OPRM1: variants seen among roughly 807,000 people sequenced by gnomAD.
OPRM1 encodes mu-type opioid receptor.
Under a neutral mutation model 31.8 loss-of-function variants are expected in OPRM1, and 27 were observed. The observed-to-expected ratio is 0.85, with a 90% CI of 0.63 to 1.17. OPRM1 has a LOEUF of 1.17. OPRM1 is among the 50% of genes most tolerant of loss of function. The pLI, the probability that OPRM1 is intolerant of heterozygous loss-of-function variation, is 0.00. For missense variants in OPRM1, 536 were observed against 511.1 expected (o/e 1.05, Z -0.47); for synonymous variants, 196 against 189.9 (o/e 1.03, Z -0.26).
chr6:154,090,858 A>C, intron 2 of OPRM1, 94 bp from the exon 3 acceptor site: 1 of 1,125,930 alleles, frequency 8.9e-7, no homozygotes, highest in Non-Finnish European at 1.3e-6. Context: ...GCTCTGGTCA[A>C]GGCTAAAAAT....
rs148302269 is a variant in OPRM1 at position 154,139,905 on chromosome 6, G to A, written c.1164+48433G>A. Among the ~76,000 whole-genome samples the A allele has an allele frequency of 1.3e-3, 204 of 152,180 alleles. 1 individual carries two copies. The highest frequency in any genetic ancestry group is 2.2e-3 in the Non-Finnish European group (150 of 68,002). On this transcript the variant is annotated intron_variant, in intron 3 of 3. Coordinates refer to the OPRM1 transcript ENST00000337049. ...AAAGAAGCGTTCATTCCCCTGGCCC[G>A]CAGTTTAAATTCCCCGGTGACGTTA...
intron 3 of OPRM1, among the ~76,000 whole-genome samples, chr6:154,106,000 T>G (rs1268578890): frequency 6.6e-6 from 1 of 152,224 alleles, no homozygotes; most frequent in Non-Finnish European, 1.5e-5. Flanking sequence ...AAAGCTATTG[T>G]GATTTATTCC....
intron 3 of OPRM1, among the ~76,000 whole-genome samples, chr6:154,096,072 T>G (rs1793325811): frequency 6.6e-6 from 1 of 152,202 alleles, no homozygotes; most frequent in African/African-American, 2.4e-5. Context: ...TTTTGATTTT[T>G]AGTTTGAAAT....
intron 3 of OPRM1, among the ~76,000 whole-genome samples, chr6:154,205,250 C>T (rs1446773103): frequency 6.6e-6 from 1 of 152,148 alleles, no homozygotes; most frequent in Non-Finnish European, 1.5e-5. Flanking sequence ...GGAGAAGACA[C>T]CATCTAGTTC....
At chr6:154,068,074 T>A (rs149973870) in intron 1 of OPRM1, among the ~76,000 whole-genome samples, 254 of 152,246 alleles carry the variant, frequency 1.7e-3, no homozygotes, top group African/African-American at 5.9e-3. Context: ...TTCTTAAATT[T>A]TAATAGTATA....
rs573239327 is a variant in OPRM1, at chr6:154,236,324, T to C, written c.1165-10369T>C. 2.6e-5 allele frequency among the ~76,000 whole-genome samples: 4 copies of C among 152,250 alleles called. No homozygotes were observed. In the South Asian group the frequency reaches 6.2e-4, roughly 24 times the overall value. On this transcript the variant is annotated intron_variant, in intron 3 of 3. Coordinates refer to the OPRM1 transcript ENST00000337049. The stretch of plus-strand genomic sequence containing the variant: ...GATAAATATTGTATGATTCCACTTA[T>C]AGGAGGGAACTACAGTAGTCAAATT...
At chr6:154,197,789 T>C (rs1364553075) in intron 3 of OPRM1, among the ~76,000 whole-genome samples, 1 of 152,228 alleles carries the variant, frequency 6.6e-6, no homozygotes, top group Non-Finnish European at 1.5e-5. Flanking sequence ...GGGATTTTAT[T>C]CTCTAGTATG....
chr6:154,057,865 C>T (rs745481001), intron 1 of OPRM1, among the ~76,000 whole-genome samples: 19 of 152,064 alleles, frequency 1.2e-4, no homozygotes, highest in Non-Finnish European at 2.1e-4. Context: ...AAAATCAAGC[C>T]GGAAGTCCAA....
intron 3 of OPRM1, among the ~76,000 whole-genome samples, chr6:154,239,830 A>G (rs1457900261): frequency 6.6e-6 from 1 of 152,184 alleles, no homozygotes; most frequent in Non-Finnish European, 1.5e-5. Context: ...CAGTCTCCCA[A>G]GTAGGTGGGA....
At position 154,039,365 on chromosome 6, in the gene OPRM1, GATGCTCA is replaced by G; in HGVS notation, c.-179_-173del. 1 of 1,545,190 alleles carries G rather than the reference GATGCTCA, an allele frequency of 6.5e-7. No homozygotes were observed. On this transcript the variant is annotated 5_prime_UTR_variant, in exon 1 of 4. An upstream start codon of the reference 5' UTR is lost. Transcript: ENST00000330432. ...GGGCTATACGCAGAGGAGAATGTCA[GATGCTCA>G]GCTCGGTCCCCTCCGCCTGACGCTC...
At chr6:154,171,605 T>A (rs904541750) in intron 3 of OPRM1, among the ~76,000 whole-genome samples, 1 of 152,206 alleles carries the variant, frequency 6.6e-6, no homozygotes, top group Non-Finnish European at 1.5e-5. Context: ...CACTTTCATG[T>A]GTGAATGTTA....
At chr6:154,079,063 G>C (rs1282995407) in intron 1 of OPRM1, among the ~76,000 whole-genome samples, 1 of 152,170 alleles carries the variant, frequency 6.6e-6, no homozygotes, top group Non-Finnish European at 1.5e-5. Context: ...GAGAGCAAGA[G>C]AAATCAACTC....
At chr6:154,136,060 G>A (rs149803573), downstream of OPRM1, among the ~76,000 whole-genome samples, 6 of 152,306 alleles carry the variant, frequency 3.9e-5, no homozygotes, top group East Asian at 1.9e-4. Flanking sequence ...CTATAAAGGC[G>A]TGATTCGGCT....
At chr6:154,245,691 T>C (rs1174331570) in intron 3 of OPRM1, among the ~76,000 whole-genome samples, 1 of 152,146 alleles carries the variant, frequency 6.6e-6, no homozygotes, top group African/African-American at 2.4e-5. Flanking sequence ...TTCCCTTAAT[T>C]GACTAAAGGC....
intron 3 of OPRM1, among the ~76,000 whole-genome samples, chr6:154,211,220 T>C (rs1227358802): frequency 6.6e-6 from 1 of 151,928 alleles, no homozygotes; most frequent in African/African-American, 2.4e-5. Flanking sequence ...ATTGAGACCA[T>C]CCTGGCTAAC....
At position 154,194,555 on chromosome 6, in the gene OPRM1, C is replaced by T. The variant is rs11754235; in HGVS notation, c.1165-52138C>T. 2.0e-3 allele frequency among the ~76,000 whole-genome samples: 308 copies of T among 152,230 alleles called. 4 individuals carry two copies. The highest frequency in any genetic ancestry group is 1.1e-3 in the Non-Finnish European group (75 of 68,010). ...CCTCCTACTTCTTTCAAACTGTCAT[C>T]GCCACTCTAAGCTTACGTACCTCCA... On this transcript the variant is annotated intron_variant, in intron 3 of 3. Coordinates refer to the OPRM1 transcript ENST00000337049.
intron 1 of OPRM1, among the ~76,000 whole-genome samples, chr6:154,081,330 C>T (rs1789081766): frequency 6.6e-6 from 1 of 152,108 alleles, no homozygotes; most frequent in South Asian, 2.1e-4. Context: ...AGGGAAACCC[C>T]GTCTCTACTA....
intron 3 of OPRM1, among the ~76,000 whole-genome samples, chr6:154,186,339 T>C (rs1285813232): frequency 6.6e-6 from 1 of 152,238 alleles, no homozygotes. Context: ...CTTTGACTTC[T>C]GTCTTTCTCT....
At chr6:154,199,750 A>G (rs760026500) in intron 3 of OPRM1, 2 of 1,614,234 alleles carry the variant, frequency 1.2e-6, no homozygotes, top group Non-Finnish European at 8.5e-7. Flanking sequence ...AAGTATCATC[A>G]CTAGATAAAG....
Sources: allele counts gnomAD v4.1 joint callset (sites outside exome capture counted in the v4.1 genomes callset), GRCh38; gene constraint gnomAD v4.1.1; transcripts MANE v1.5; gene names NCBI Gene and HGNC (gene_info 2026-07-23, HGNC 2026-07-21).